MAPT: variants seen among roughly 807,000 people sequenced by gnomAD.
MAPT encodes microtubule associated protein tau, also known as microtubule-associated protein tau.
MAPT carries 34 observed loss-of-function variants against 67.9 expected under a neutral mutation model. The ratio of observed to expected loss-of-function variants is 0.50; its 90% CI spans 0.38 to 0.67. The LOEUF is 0.67. MAPT is among the 30% of genes least tolerant of loss of function. The probability of loss-of-function intolerance (pLI) is 0.00; values close to 1 mark genes in which losing one functional copy is unlikely to be tolerated. For synonymous variants in MAPT, 456 were observed against 464.5 expected (o/e 0.98, Z 0.23); for missense variants, 881 against 1,115.2 (o/e 0.79, Z 2.99).
intron 4 of MAPT, among the ~76,000 whole-genome samples, chr17:45,981,021 T>C (rs1193543132): frequency 6.6e-6 from 1 of 152,188 alleles, no homozygotes; most frequent in Non-Finnish European, 1.5e-5. Context: ...GGAACAGGAA[T>C]TGGAGGGGCC....
chr17:45,954,637 A>T (rs1425221722), intron 1 of MAPT, among the ~76,000 whole-genome samples: 1 of 152,020 alleles, frequency 6.6e-6, no homozygotes, highest in African/African-American at 2.4e-5. Flanking sequence ...TAAATAAATA[A>T]TGCAAAGTAA....
At chr17:46,008,122 A>T (rs980602949) in intron 9 of MAPT, among the ~76,000 whole-genome samples, 37 of 152,214 alleles carry the variant, frequency 2.4e-4, no homozygotes, top group Non-Finnish European at 3.4e-4. Context: ...TTTGAGACGA[A>T]GTCTCATTCT....
intron 1 of MAPT, among the ~76,000 whole-genome samples, chr17:45,903,107 C>T (rs1033800630): frequency 1.3e-5 from 2 of 152,296 alleles, no homozygotes; most frequent in Non-Finnish European, 2.9e-5. Flanking sequence ...TCTGTAATTG[C>T]TTGTCATGTG....
chr17:45,902,415 T>A (rs2063681994), intron 1 of MAPT, among the ~76,000 whole-genome samples: 1 of 152,318 alleles, frequency 6.6e-6, no homozygotes, highest in Non-Finnish European at 1.5e-5. Flanking sequence ...GCAAGTCTGG[T>A]GTACATACAA....
At chr17:45,964,088 G>A (rs1338865957) in intron 2 of MAPT, among the ~76,000 whole-genome samples, 1 of 152,136 alleles carries the variant, frequency 6.6e-6, no homozygotes, top group African/African-American at 2.4e-5. Context: ...GTGATGGCAA[G>A]ATGGAAATGT....
At chr17:45,941,280 T>C (rs2067826320) in intron 1 of MAPT, among the ~76,000 whole-genome samples, 1 of 152,242 alleles carries the variant, frequency 6.6e-6, no homozygotes, top group South Asian at 2.1e-4. Context: ...TTCTATAAAA[T>C]TCCCCCACTT....
chr17:45,917,678 G>A (rs1253925973), intron 1 of MAPT, among the ~76,000 whole-genome samples: 1 of 152,092 alleles, frequency 6.6e-6, no homozygotes, highest in Non-Finnish European at 1.5e-5. Flanking sequence ...AGTTCCCAAT[G>A]ACAAATGCTG....
chr17:45,988,008 C>T (rs995378764), intron 6 of MAPT, among the ~76,000 whole-genome samples: 11 of 152,172 alleles, frequency 7.2e-5, no homozygotes, highest in Non-Finnish European at 1.3e-4. Context: ...CTGGAGTTGC[C>T]CAGAGTCTAG....
At chr17:45,941,432 T>TC (rs2067843236) in intron 1 of MAPT, among the ~76,000 whole-genome samples, 1 of 152,128 alleles carries the variant, frequency 6.6e-6, no homozygotes, top group East Asian at 1.9e-4. Flanking sequence ...TTCCTGGGTC[T>TC]CCCCTTTAAT....
intron 1 of MAPT, among the ~76,000 whole-genome samples, chr17:45,947,900 A>G (rs2145057063): frequency 6.6e-6 from 1 of 152,286 alleles, no homozygotes; most frequent in Non-Finnish European, 1.5e-5. Flanking sequence ...ATAAATCAAA[A>G]TAGCATGGAA....
intron 10 of MAPT, among the ~76,000 whole-genome samples, chr17:46,011,406 C>A (rs62064674): frequency 0.14 from 21,785 of 152,154 alleles, 2,124 homozygotes; most frequent in Non-Finnish European, 0.22. Flanking sequence ...AAAAAACAAT[C>A]ATATAATAAT....
chr17:46,018,375 C>T (rs1026498067), intron 11 of MAPT, among the ~76,000 whole-genome samples: 5 of 152,216 alleles, frequency 3.3e-5, no homozygotes, highest in Non-Finnish European at 4.4e-5. Flanking sequence ...GTCTTACCTA[C>T]TTCTAAAGGC....
intron 1 of MAPT, among the ~76,000 whole-genome samples, chr17:45,926,924 TACAC>T (rs1333729587): frequency 6.7e-6 from 1 of 149,856 alleles, no homozygotes; most frequent in Non-Finnish European, 1.5e-5. Flanking sequence ...TGTATATATA[TACAC>T]ATATATACAC....
At chr17:45,953,003 T>TATGATG (rs72430786) in intron 1 of MAPT, among the ~76,000 whole-genome samples, 82,295 of 149,222 alleles carry the variant, frequency 0.55, 23,564 homozygotes, top group East Asian at 0.81. Flanking sequence ...TCATAACACC[T>TATGATG]ATGATGATGA....
chr17:45,955,742 C>CTTTT (rs2069574844), intron 1 of MAPT, among the ~76,000 whole-genome samples: 4 of 146,606 alleles, frequency 2.7e-5, no homozygotes, highest in South Asian at 2.1e-4. Context: ...TTTTTTTTTT[C>CTTTT]TTTTTCCTTT....
chr17:45,983,408 CCG>C lies in MAPT; in HGVS notation c.831_832del (p.Leu278GlufsTer17). The C allele has an allele frequency of 1.9e-6, 3 of 1,607,682 alleles. 1 individual carries two copies. In the South Asian group the frequency reaches 3.3e-5, roughly 18 times the overall value. ...AGGAGACCTGCACCAGGAGGGGCCG[CCG>C]CTGAAGGGGGCAGGGGGCAAAGAGA... ...LLGDLHQEGP[P>X]LKGAGGKERP... On this transcript the variant is annotated frameshift_variant, in exon 5 of 13. Coordinates refer to ENST00000262410, the MANE Select transcript of MAPT (RefSeq NM_001377265.1). LOFTEE classifies it high-confidence loss of function.
At chr17:45,920,261 G>A (rs372218001) in intron 1 of MAPT, among the ~76,000 whole-genome samples, 5 of 152,332 alleles carry the variant, frequency 3.3e-5, no homozygotes, top group African/African-American at 7.2e-5. Flanking sequence ...GCTGGTGCTC[G>A]GCAATGTTGA....
At chr17:45,957,269 G>A (rs1446811820) in intron 1 of MAPT, among the ~76,000 whole-genome samples, 1 of 152,148 alleles carries the variant, frequency 6.6e-6, no homozygotes, top group African/African-American at 2.4e-5. Context: ...GTTGTTTCCT[G>A]ACTTTTTAAT....
chr17:45,912,258 CAA>C (rs1332167751), intron 1 of MAPT, among the ~76,000 whole-genome samples: 2 of 152,222 alleles, frequency 1.3e-5, no homozygotes, highest in Admixed American at 1.3e-4. Flanking sequence ...TAATGTCCCT[CAA>C]AGATATCAGG....
Sources: allele counts gnomAD v4.1 joint callset (sites outside exome capture counted in the v4.1 genomes callset), GRCh38; gene constraint gnomAD v4.1.1; transcripts MANE v1.5; gene names NCBI Gene and HGNC (gene_info 2026-07-23, HGNC 2026-07-21).